The following VCAN variants were observed in gnomAD, a reference collection of about 807,000 sequenced individuals.
The protein encoded by VCAN is versican.
Under a neutral mutation model 245.5 loss-of-function variants are expected in VCAN, and 44 were observed. The ratio of observed to expected loss-of-function variants is 0.18; its 90% confidence interval spans 0.14 to 0.23. VCAN has a LOEUF of 0.23. Among genes scored for constraint, VCAN ranks in the 10% least tolerant of loss-of-function variants. The probability of loss-of-function intolerance (pLI) is 1.00; values close to 1 mark genes in which losing one functional copy is unlikely to be tolerated. For synonymous variants in VCAN, 1,413 were observed against 1,437.0 expected (o/e 0.98, Z 0.38); for missense variants, 3,793 against 4,057.9 (o/e 0.93, Z 1.77).
In VCAN at chr5:83,537,593, T is replaced by A; in HGVS notation, c.4590T>A (p.Gly1530=). ...TCACAGAGAGAGATACTGAAGTTGG[T>A]CATCAGGCACATGAACATACTGAAC... ...ESVTERDTEV[G]HQAHEHTEPV... is the part of the protein sequence containing the mutation. Residue 1530 remains glycine, a synonymous_variant, in exon 8 of 15, where the codon GGT becomes GGA. Transcript: ENST00000265077. 1.2e-6 allele frequency: 2 copies of A among 1,613,818 alleles called. No individual in the cohort carries two copies. Among genetic ancestry groups the A allele is most frequent in the Non-Finnish European group, 1.7e-6 (2 of 1,179,898 alleles).
At position 83,541,969 on chromosome 5, in the gene VCAN, G is replaced by T. The variant is rs909209640; in HGVS notation, c.8966G>T (p.Gly2989Val). Reference protein sequence around the residue: ...SASATYGVEAGVVPWLSPQTS... With the variant: ...SASATYGVEAVVVPWLSPQTS... ...TCTGCCACCTATGGGGTCGAGGCAGGTGTGGTGCCTTGGCTAAGTCCACAG... is the reference window on the plus strand; with the variant it reads ...TCTGCCACCTATGGGGTCGAGGCAGTTGTGGTGCCTTGGCTAAGTCCACAG... The change falls in exon 8 of 15, where the codon GGT (glycine) becomes GTT (valine). Residue 2989 changes from glycine to valine, a missense_variant. Around this residue, in one of 5 missense-constraint regions of VCAN, gnomAD observed 3,182 missense variants for 3,250.3 expected, o/e 0.98. Coordinates refer to ENST00000265077, the MANE Select transcript of VCAN (RefSeq NM_004385.5). The T allele has an allele frequency of 4.3e-6, 7 of 1,613,756 alleles. No individual in the cohort carries two copies. The highest frequency in any genetic ancestry group is 5.9e-6 in the Non-Finnish European group (7 of 1,179,892).
Position 83,521,209 on chromosome 5 carries a change from A to G in VCAN, c.2903A>G (p.Asp968Gly), listed in dbSNP as rs192078390. The change falls in exon 7 of 15, where the codon GAC (aspartate) becomes GGC (glycine). Residue 968 changes from aspartate to glycine, a missense_variant. Asp to Gly is a moderately conservative substitution (Grantham distance 94). This residue lies in a region of VCAN where 3,182 missense variants were observed against 3,250.3 expected (regional missense o/e 0.98). Coordinates refer to ENST00000265077, the MANE Select transcript of VCAN (RefSeq NM_004385.5). ...SSTQEPTTYV[D>G]SSHTIPLSVI... The stretch of plus-strand genomic sequence containing the variant: ...ACCCAAGAGCCTACTACTTATGTAG[A>G]CTCTTCCCATACCATTCCTCTTTCT... The G allele has an allele frequency of 7.4e-6, 12 of 1,613,458 alleles. No individual in the cohort carries two copies. The Admixed American group carries it at 1.0e-4, about 13-fold the overall frequency.
chr5:83,519,423 A>G lies in VCAN; in HGVS notation c.1117A>G (p.Met373Val), dbSNP rs1348238907. 8.1e-6 allele frequency: 13 copies of G among 1,613,980 alleles called. No individual in the cohort carries two copies. Among genetic ancestry groups the G allele is most frequent in the Non-Finnish European group, 1.1e-5 (13 of 1,179,938 alleles). The change falls in exon 7 of 15, where the codon ATG becomes GTG. Residue 373 changes from methionine (M) to valine (V), a missense_variant. By Grantham distance (21) the Met-to-Val change is conservative. This residue lies in a region of VCAN where 3,182 missense variants were observed against 3,250.3 expected (regional missense o/e 0.98). Coordinates refer to ENST00000265077, the MANE Select transcript of VCAN (RefSeq NM_004385.5). ...ASPSLSKEPQMVSDRTTPIIP... is the reference protein window; with the variant it reads ...ASPSLSKEPQVVSDRTTPIIP... ...ACCCAGTTTATCCAAAGAACCACAA[A>G]TGGTTTCTGATAGAACTACACCAAT...
chr5:83,562,401 C>T (rs528331155), intron 12 of VCAN: 13 of 152,192 alleles, frequency 8.5e-5, no homozygotes, highest in South Asian at 4.1e-4. Context: ...AGTTCTAGAA[C>T]GCAACTCTGC....
chr5:83,542,761 A>G (rs887179858), intron 8 of VCAN, among the ~76,000 whole-genome samples: 6 of 152,208 alleles, frequency 3.9e-5, no homozygotes, highest in African/African-American at 1.2e-4. Flanking sequence ...TGCAGTATCA[A>G]TATCAGCTCA....
chr5:83,516,149 A>T (rs1482494920), intron 6 of VCAN, among the ~76,000 whole-genome samples: 3 of 151,752 alleles, frequency 2.0e-5, no homozygotes, highest in Non-Finnish European at 4.4e-5. Context: ...CCTAACCCTA[A>T]CCCTATCCCT....
At position 83,540,998 on chromosome 5, in the gene VCAN, C is replaced by T; in HGVS notation, c.7995C>T (p.His2665=). The T allele has an allele frequency of 6.2e-7, 1 of 1,614,110 alleles. No individual in the cohort carries two copies. The highest frequency in any genetic ancestry group is 8.5e-7 in the Non-Finnish European group (1 of 1,179,998). Reference sequence around the variant, plus strand: ...ATGAAGATAGAAGCCAACTAGATCACATGGGCTTTCACTTCACAACTGGGA... The same window carrying T: ...ATGAAGATAGAAGCCAACTAGATCATATGGGCTTTCACTTCACAACTGGGA... The part of the protein sequence containing the change: ...MTYEDRSQLD[H]MGFHFTTGIP... Residue 2665 remains histidine, a synonymous_variant, in exon 8 of 15, where the codon CAC becomes CAT. Coordinates refer to ENST00000265077, the MANE Select transcript of VCAN (RefSeq NM_004385.5).
At position 83,533,239 on chromosome 5, in the gene VCAN, T is replaced by C. The variant is rs567422730; in HGVS notation, c.4004-3768T>C. Among the ~76,000 whole-genome samples, 57 of 152,304 alleles carry C rather than the reference T, an allele frequency of 3.7e-4. No homozygotes were observed. The South Asian group carries it at 5.4e-3, about 14-fold the overall frequency. On this transcript the variant is annotated intron_variant, in intron 7 of 14. Coordinates refer to ENST00000265077, the MANE Select transcript of VCAN (RefSeq NM_004385.5). ...TAATACATTTCTGTTTTCTATCATTTTGAAGGCAAGTCAGATCAAATAGTT... is the reference window on the plus strand; with the variant it reads ...TAATACATTTCTGTTTTCTATCATTCTGAAGGCAAGTCAGATCAAATAGTT...
chr5:83,490,853 C>T (rs1015733069), intron 3 of VCAN, among the ~76,000 whole-genome samples: 11 of 152,172 alleles, frequency 7.2e-5, no homozygotes, highest in African/African-American at 2.4e-4. Flanking sequence ...CATGTACATA[C>T]ATATACACAC....
At chr5:83,528,052 C>G (rs1746367132) in intron 7 of VCAN, among the ~76,000 whole-genome samples, 1 of 152,174 alleles carries the variant, frequency 6.6e-6, no homozygotes, top group Admixed American at 6.5e-5. Flanking sequence ...AGTCGTTTGA[C>G]AGATATTAAA....
rs187527560 is a variant in VCAN, at chr5:83,576,747, T to C, written c.9881-3233T>C. Among the ~76,000 whole-genome samples, 5 of 152,304 alleles carry C rather than the reference T, an allele frequency of 3.3e-5. No individual in the cohort carries two copies. The East Asian group carries it at 9.6e-4, about 29-fold the overall frequency. ...TCCAACATTTGGCACTATTGGACTT[T>C]GAAATTTTTGCCAATCTGGTGGGTA... On this transcript the variant is annotated intron_variant, in intron 13 of 14. Coordinates refer to ENST00000265077, the MANE Select transcript of VCAN (RefSeq NM_004385.5).
intron 10 of VCAN, among the ~76,000 whole-genome samples, chr5:83,550,970 G>T (rs1364676440): frequency 1.4e-5 from 2 of 147,758 alleles, no homozygotes; most frequent in Non-Finnish European, 3.0e-5. Flanking sequence ...CACTCTAAGT[G>T]GTTTTTGCAG....
At chr5:83,491,109 G>A (rs1313157053) in intron 3 of VCAN, among the ~76,000 whole-genome samples, 1 of 152,182 alleles carries the variant, frequency 6.6e-6, no homozygotes, top group Non-Finnish European at 1.5e-5. Flanking sequence ...TATCCGTTAA[G>A]TATTGCAGTG....
At chr5:83,490,921 T>C (rs1744962941) in intron 3 of VCAN, among the ~76,000 whole-genome samples, 1 of 152,192 alleles carries the variant, frequency 6.6e-6, no homozygotes, top group Non-Finnish European at 1.5e-5. Flanking sequence ...TTAATATGAT[T>C]ATTAAAATAT....
At chr5:83,542,915 A>C (rs1357760253) in intron 8 of VCAN, among the ~76,000 whole-genome samples, 1 of 152,210 alleles carries the variant, frequency 6.6e-6, no homozygotes, top group Non-Finnish European at 1.5e-5. Context: ...TATGGAAAGC[A>C]TGAATTTGAT....
intron 3 of VCAN, among the ~76,000 whole-genome samples, chr5:83,490,866 A>G (rs1744961062): frequency 6.6e-6 from 1 of 152,216 alleles, no homozygotes; most frequent in African/African-American, 2.4e-5. Context: ...ATACACACAT[A>G]TATACACATA....
intron 7 of VCAN, among the ~76,000 whole-genome samples, chr5:83,530,066 G>C (rs1359872369): frequency 6.6e-6 from 1 of 151,932 alleles, no homozygotes; most frequent in Non-Finnish European, 1.5e-5. Flanking sequence ...GTGTTTTTTT[G>C]GGTGGTGCCA....
chr5:83,519,653 G>A lies in VCAN; in HGVS notation c.1347G>A (p.Lys449=), dbSNP rs1175177432. 1 of 1,614,142 alleles carries A rather than the reference G, an allele frequency of 6.2e-7. No individual in the cohort carries two copies. The highest frequency in any genetic ancestry group is 1.7e-5 in the Admixed American group (1 of 60,016). ...YSPSASGPLG[K]LDISEIKEEV... Reference sequence around the variant, plus strand: ...CTTCTGCTTCAGGACCTCTTGGAAAGCTAGACATATCAGAAATTAAGGAAG... The same window carrying A: ...CTTCTGCTTCAGGACCTCTTGGAAAACTAGACATATCAGAAATTAAGGAAG... Residue 449 remains lysine (K), a synonymous_variant, in exon 7 of 15, where the codon AAG becomes AAA. Coordinates refer to ENST00000265077, the MANE Select transcript of VCAN (RefSeq NM_004385.5).
At position 83,538,577 on chromosome 5, in the gene VCAN, T is replaced by C. The variant is rs770321124; in HGVS notation, c.5574T>C (p.Tyr1858=). The C allele has an allele frequency of 1.6e-5, 26 of 1,613,830 alleles. No individual in the cohort carries two copies. Among genetic ancestry groups the C allele is most frequent in the Non-Finnish European group, 2.2e-5 (26 of 1,179,962 alleles). Reference sequence around the variant, plus strand: ...CTTCATTTTCATTAAACGTAGAGTATGCAATTCAAGCCGAAAAGGAAGTAG... The same window carrying C: ...CTTCATTTTCATTAAACGTAGAGTACGCAATTCAAGCCGAAAAGGAAGTAG... ...TVSSFSLNVE[Y]AIQAEKEVAG... Residue 1858 remains tyrosine (Y), a synonymous_variant, in exon 8 of 15, where the codon TAT becomes TAC. Coordinates refer to ENST00000265077, the MANE Select transcript of VCAN (RefSeq NM_004385.5).
Sources: allele counts gnomAD v4.1 joint callset (sites outside exome capture counted in the v4.1 genomes callset), GRCh38; gene constraint gnomAD v4.1.1; regional missense constraint gnomAD v4.1.1; transcripts MANE v1.5; gene names NCBI Gene and HGNC (gene_info 2026-07-23, HGNC 2026-07-21).